Variants in MACC1 observed in about 807,000 individuals in gnomAD.
MACC1 encodes MET transcriptional regulator MACC1.
In MACC1, 79 loss-of-function variants were observed where a neutral mutation model predicts 70.7. The observed-to-expected ratio is 1.12, with a 90% CI of 0.93 to 1.35. The LOEUF (loss-of-function observed/expected upper bound fraction) is 1.35. Among genes scored for constraint, MACC1 ranks in the 40% most tolerant of loss-of-function variants. The pLI is 0.00. For missense variants in MACC1, 1,106 were observed against 978.1 expected, an observed-to-expected ratio of 1.13 and a Z score of -1.74; for synonymous variants, 361 against 347.2, an observed-to-expected ratio of 1.04 and a Z score of -0.44.
In MACC1 at chr7:20,158,410, A is replaced by T; in HGVS notation, c.1951T>A (p.Ser651Thr). The change falls in exon 5 of 7, where the codon TCA becomes ACA. Residue 651 changes from serine (S) to threonine (T), a missense_variant. By Grantham distance (58) the Ser-to-Thr change is moderately conservative. Transcript: ENST00000400331. ...TCTGACACCAAGGTTAATACAACTG[A>T]GTAGATATAAGTCAATTTTTTTAAA... ...LPLKKLTYIYSVVLTLVSEKV... is the reference protein window; with the variant it reads ...LPLKKLTYIYTVVLTLVSEKV... 6.2e-7 allele frequency: 1 copy of T among 1,613,888 alleles called. No homozygotes were observed. The highest frequency in any genetic ancestry group is 8.5e-7 in the Non-Finnish European group (1 of 1,179,948).
At chr7:20,213,381 C>T (rs1783026059) in intron 1 of MACC1, among the ~76,000 whole-genome samples, 1 of 152,080 alleles carries the variant, frequency 6.6e-6, no homozygotes, top group African/African-American at 2.4e-5. Flanking sequence ...TCCTCAAAGA[C>T]CTAAAGACAC....
chr7:20,154,221 C>A lies in MACC1; in HGVS notation c.2318G>T (p.Arg773Leu). The part of the protein sequence containing the change: ...QQMEAYEIPH[R>L]GNTGDVAVEM... ...AACAGCAACATCTCCAGTGTTTCCT[C>A]GATGAGGAATTTCATATGCCTCCAT... Residue 773 changes from arginine (R) to leucine (L), a missense_variant, in exon 6 of 7, where the codon CGA becomes CTA. Physicochemically the swap from Arg to Leu is moderately radical, Grantham distance 102. Transcript: ENST00000400331. The A allele has an allele frequency of 1.9e-6, 3 of 1,613,900 alleles. No individual in the cohort carries two copies. The highest frequency in any genetic ancestry group is 2.5e-6 in the Non-Finnish European group (3 of 1,179,890).
chr7:20,161,413 A>G (rs906463828), intron 4 of MACC1, among the ~76,000 whole-genome samples: 6 of 152,004 alleles, frequency 3.9e-5, no homozygotes, highest in Admixed American at 3.9e-4. Flanking sequence ...CTTAAAACTT[A>G]CTTTTCCTCT....
chr7:20,190,303 G>A (rs1194743259), intron 1 of MACC1, among the ~76,000 whole-genome samples: 1 of 152,024 alleles, frequency 6.6e-6, no homozygotes, highest in African/African-American at 2.4e-5. Context: ...TGCAATCATG[G>A]CAAAATAAAT....
rs1377256031 is a variant in MACC1, at chr7:20,137,192, A to T, written c.*3754T>A. 6.6e-6 allele frequency: 1 copy of T among 152,176 alleles called. No homozygotes were observed. Among genetic ancestry groups the T allele is most frequent in the Non-Finnish European group, 1.5e-5 (1 of 68,022 alleles). 9.4% of individuals were successfully genotyped at this position (152,176 alleles called of 1,614,324 possible). A position where few individuals can be genotyped will look rare whatever the true frequency, so the allele number is the denominator to read the frequency against. Reference sequence around the variant, plus strand: ...TCAACTTCCAGTTATAGCATTGTACAAATTTGAGTGTATGCATGTTCTCTT... The same window carrying T: ...TCAACTTCCAGTTATAGCATTGTACTAATTTGAGTGTATGCATGTTCTCTT... On this transcript the variant is annotated 3_prime_UTR_variant, in exon 7 of 7. Transcript: ENST00000400331.
chr7:20,162,265 C>T (rs868087163), intron 3 of MACC1, among the ~76,000 whole-genome samples: 1 of 151,978 alleles, frequency 6.6e-6, no homozygotes, highest in Non-Finnish European at 1.5e-5. Context: ...TGTATACATT[C>T]GATGCAGTTC....
chr7:20,213,877 A>C (rs1213095782), intron 1 of MACC1, among the ~76,000 whole-genome samples: 2 of 152,170 alleles, frequency 1.3e-5, no homozygotes, highest in South Asian at 4.1e-4. Context: ...CTATGTAACA[A>C]ACCTACATAT....
intron 1 of MACC1, among the ~76,000 whole-genome samples, chr7:20,199,948 C>T (rs1429714690): frequency 6.6e-6 from 1 of 151,942 alleles, no homozygotes; most frequent in Non-Finnish European, 1.5e-5. Flanking sequence ...AGTTTTAAGG[C>T]TCAAATGAAT....
chr7:20,170,881 T>C (rs1369130816), intron 1 of MACC1, 103 bp from the exon 2 acceptor site: 2 of 152,238 alleles, frequency 1.3e-5, no homozygotes, highest in East Asian at 1.9e-4. Context: ...GAATAAAATT[T>C]GGTAGAATGG....
intron 1 of MACC1, 135 bp from the exon 2 acceptor site, chr7:20,170,913 T>C (rs1272218522): frequency 6.6e-6 from 1 of 152,232 alleles, no homozygotes; most frequent in Non-Finnish European, 1.5e-5. Flanking sequence ...GAGAGACTCA[T>C]TACACCACAC....
chr7:20,143,632 G>A (rs189436247), intron 6 of MACC1, among the ~76,000 whole-genome samples: 1,538 of 151,804 alleles, frequency 0.01, 9 homozygotes, highest in Admixed American at 0.015. Context: ...CTCATGATCC[G>A]CCCGCCTCGG....
intron 1 of MACC1, among the ~76,000 whole-genome samples, chr7:20,209,196 C>G (rs548230923): frequency 2.7e-4 from 41 of 152,332 alleles, no homozygotes; most frequent in African/African-American, 9.1e-4. Flanking sequence ...TGGGGCACTG[C>G]CCAGTGGAGC....
intron 4 of MACC1, 52 bp from the exon 5 acceptor site, chr7:20,160,297 G>A (rs764027839): frequency 8.8e-6 from 13 of 1,481,232 alleles, no homozygotes. Context: ...GGCACTGTGA[G>A]TTACAATCAA....
chr7:20,190,896 G>A (rs796572117), intron 1 of MACC1, among the ~76,000 whole-genome samples: 8 of 152,252 alleles, frequency 5.3e-5, no homozygotes, highest in African/African-American at 1.7e-4. Flanking sequence ...ATCTTTCTTT[G>A]TGAAACACAA....
At chr7:20,191,888 G>C (rs968572614) in intron 1 of MACC1, among the ~76,000 whole-genome samples, 2 of 152,192 alleles carry the variant, frequency 1.3e-5, no homozygotes, top group African/African-American at 4.8e-5. Context: ...TTCAATGCCA[G>C]TTTTTCTGTA....
chr7:20,174,382 G>A (rs1385968875), intron 1 of MACC1, among the ~76,000 whole-genome samples: 3 of 152,056 alleles, frequency 2.0e-5, no homozygotes, highest in African/African-American at 4.8e-5. Context: ...TTTGAATTCA[G>A]GTATGAGAAA....
Position 20,159,317 on chromosome 7 carries a change from A to G in MACC1, c.1044T>C (p.Val348=), listed in dbSNP as rs760558119. ...ACGGAAGAGCTTTAGCTTGTGCAGC[A>G]ACCACTAGATACATTACCTGACTCA... The part of the protein sequence containing the change: ...IDLSQVMYLV[V]AAQAKALPSP... Residue 348 remains valine (V), a synonymous_variant, in exon 5 of 7, where the codon GTT becomes GTC. Coordinates refer to ENST00000400331, the MANE Select transcript of MACC1 (RefSeq NM_182762.4). 3 of 1,614,128 alleles carry G rather than the reference A, an allele frequency of 1.9e-6. No individual in the cohort carries two copies. The highest frequency in any genetic ancestry group is 1.7e-6 in the Non-Finnish European group (2 of 1,180,012).
chr7:20,154,472 G>T, intron 5 of MACC1, 91 bp from the exon 6 acceptor site: 1 of 1,299,484 alleles, frequency 7.7e-7, no homozygotes, highest in South Asian at 1.5e-5. Flanking sequence ...TTCTACAAAT[G>T]GGAGTCCTTT....
chr7:20,156,696 GC>G (rs1456491089), intron 5 of MACC1, among the ~76,000 whole-genome samples: 1 of 152,078 alleles, frequency 6.6e-6, no homozygotes, highest in Admixed American at 6.6e-5. Context: ...GGATATAGGA[GC>G]TTTTGAATTT....
Sources: gnomAD v4.1 joint callset for allele counts (sites outside exome capture counted in the v4.1 genomes callset) on GRCh38, gnomAD v4.1.1 for gene constraint, MANE v1.5 for transcripts, NCBI Gene and HGNC (gene_info 2026-07-23, HGNC 2026-07-21) for gene names.